The following HIP1 variants were observed in gnomAD, a reference collection of about 807,000 sequenced individuals.
The protein encoded by HIP1 is huntingtin-interacting protein 1.
A neutral mutation model predicts 147.6 loss-of-function variants in HIP1; 65 were observed. That is an observed-to-expected ratio of 0.44 (90% CI 0.36 to 0.54). HIP1 has a LOEUF of 0.54. Among genes scored for constraint, HIP1 ranks in the 20% least tolerant of loss-of-function variants. The probability of loss-of-function intolerance (pLI) is 0.00; values close to 1 mark genes in which losing one functional copy is unlikely to be tolerated. For synonymous variants in HIP1, 479 were observed against 504.0 expected (o/e 0.95, Z 0.67); for missense variants, 1,061 against 1,299.6 (o/e 0.82, Z 2.82).
chr7:75,689,805 G>C (rs933903312), intron 1 of HIP1, among the ~76,000 whole-genome samples: 1 of 152,064 alleles, frequency 6.6e-6, no homozygotes, highest in Admixed American at 6.6e-5. Context: ...GCTGTGGGAC[G>C]AGGGATGTCA....
At chr7:75,563,966 C>T (rs1048006597) in intron 9 of HIP1, among the ~76,000 whole-genome samples, 36 of 152,164 alleles carry the variant, frequency 2.4e-4, no homozygotes, top group African/African-American at 8.0e-4. Flanking sequence ...AATCAGAGCT[C>T]ATTGCAGCCT....
intron 1 of HIP1, among the ~76,000 whole-genome samples, chr7:75,675,600 T>A (rs1554515879): frequency 6.6e-6 from 1 of 152,170 alleles, no homozygotes; most frequent in Non-Finnish European, 1.5e-5. Context: ...ATCATCTCCC[T>A]CTCTCTTTGA....
At chr7:75,639,588 T>TGC (rs1459258567) in intron 1 of HIP1, among the ~76,000 whole-genome samples, 1 of 150,076 alleles carries the variant, frequency 6.7e-6, no homozygotes, top group African/African-American at 2.5e-5. Flanking sequence ...TGTGTGTGTG[T>TGC]GTGTGCGCCC....
intron 1 of HIP1, among the ~76,000 whole-genome samples, chr7:75,721,419 C>A (rs1012207466): frequency 6.6e-6 from 1 of 151,884 alleles, no homozygotes; most frequent in Non-Finnish European, 1.5e-5. Flanking sequence ...GTAGTCCCAG[C>A]TACTCAGGAG....
intron 23 of HIP1, among the ~76,000 whole-genome samples, chr7:75,548,167 T>C (rs888073944): frequency 1.3e-5 from 2 of 152,164 alleles, no homozygotes; most frequent in African/African-American, 4.8e-5. Flanking sequence ...TGGCTGGGAT[T>C]ACAGGCACGC....
At chr7:75,666,007 G>A (rs1183462301) in intron 1 of HIP1, among the ~76,000 whole-genome samples, 1 of 152,198 alleles carries the variant, frequency 6.6e-6, no homozygotes, top group Non-Finnish European at 1.5e-5. Context: ...ATGTTACTCA[G>A]CGAAATACCA....
chr7:75,643,519 G>T (rs1337601859), intron 1 of HIP1, among the ~76,000 whole-genome samples: 2 of 152,160 alleles, frequency 1.3e-5, no homozygotes, highest in African/African-American at 2.4e-5. Flanking sequence ...CGTAGAATGG[G>T]TATTATTATT....
chr7:75,687,889 AGGCCTTTCCAT>A (rs1425533712), intron 1 of HIP1, among the ~76,000 whole-genome samples: 3 of 151,938 alleles, frequency 2.0e-5, no homozygotes, highest in Non-Finnish European at 2.9e-5. Context: ...CCATGCCTCC[AGGCCTTTCCAT>A]GTGATGTTTT....
intron 1 of HIP1, among the ~76,000 whole-genome samples, chr7:75,644,457 G>A (rs782345565): frequency 6.6e-6 from 1 of 152,020 alleles, no homozygotes; most frequent in Non-Finnish European, 1.5e-5. Flanking sequence ...ACCACGCTCG[G>A]CAAACTTTTG....
At chr7:75,656,719 C>T (rs1286658209) in intron 1 of HIP1, among the ~76,000 whole-genome samples, 2 of 152,100 alleles carry the variant, frequency 1.3e-5, no homozygotes, top group African/African-American at 2.4e-5. Context: ...TCAGGTGATC[C>T]GCCTGCCTCA....
rs979986512 is a variant in HIP1, at chr7:75,638,322, C to A, written c.121-39075G>T. The stretch of plus-strand genomic sequence containing the variant: ...ATCACATCCTGGTACCGGCTGAAGG[C>A]TGCTCCTTGGTCTCAATCAATAAGC... On this transcript the variant is annotated intron_variant, in intron 1 of 30. Transcript: ENST00000336926. Among the ~76,000 whole-genome samples the A allele has an allele frequency of 4.0e-5, 6 of 151,876 alleles. No individual in the cohort carries two copies. The South Asian group carries it at 6.2e-4, about 16-fold the overall frequency.
intron 1 of HIP1, among the ~76,000 whole-genome samples, chr7:75,679,364 T>C (rs1051005254): frequency 6.6e-6 from 1 of 152,114 alleles, no homozygotes. Context: ...CCAGCACGCC[T>C]GGCTCATTTT....
At chr7:75,671,771 C>CTCTG (rs59182160) in intron 1 of HIP1, among the ~76,000 whole-genome samples, 85,443 of 151,424 alleles carry the variant, frequency 0.56, 24,552 homozygotes, top group African/African-American at 0.66. Context: ...TGGAGTCTCG[C>CTCTG]TCTACCAGGC....
At chr7:75,666,895 C>A (rs1319319014) in intron 1 of HIP1, among the ~76,000 whole-genome samples, 1 of 152,114 alleles carries the variant, frequency 6.6e-6, no homozygotes, top group African/African-American at 2.4e-5. Flanking sequence ...TGCGACGCTC[C>A]ATTTCACAAA....
At chr7:75,557,422 C>T (rs2116821867) in intron 16 of HIP1, among the ~76,000 whole-genome samples, 1 of 152,300 alleles carries the variant, frequency 6.6e-6, no homozygotes, top group East Asian at 1.9e-4. Context: ...CCACCAGCCT[C>T]ATCCTTGGAA....
chr7:75,648,585 G>A (rs1037943504), intron 1 of HIP1, among the ~76,000 whole-genome samples: 3 of 152,114 alleles, frequency 2.0e-5, no homozygotes, highest in East Asian at 1.9e-4. Context: ...AGCCATATGC[G>A]GATGCCAGGT....
At chr7:75,604,841 C>A (rs711304) in intron 1 of HIP1, among the ~76,000 whole-genome samples, 34,549 of 152,000 alleles carry the variant, frequency 0.23, 4,182 homozygotes, top group African/African-American at 0.28. Flanking sequence ...CATTATGAAC[C>A]TTGCTCACAC....
intron 1 of HIP1, among the ~76,000 whole-genome samples, chr7:75,669,370 C>T (rs1258395815): frequency 6.6e-6 from 1 of 151,806 alleles, no homozygotes; most frequent in African/African-American, 2.4e-5. Flanking sequence ...GAGACTCCAT[C>T]TCAAAAAAAC....
At chr7:75,612,295 A>G (rs1418419059) in intron 1 of HIP1, among the ~76,000 whole-genome samples, 2 of 152,152 alleles carry the variant, frequency 1.3e-5, no homozygotes, top group Non-Finnish European at 2.9e-5. Context: ...GGATCACCCA[A>G]AGTCAGGAGC....
Sources: gnomAD v4.1 joint callset for allele counts (sites outside exome capture counted in the v4.1 genomes callset) on GRCh38, gnomAD v4.1.1 for gene constraint, MANE v1.5 for transcripts, NCBI Gene and HGNC (gene_info 2026-07-23, HGNC 2026-07-21) for gene names.